Variants in DENND1A observed in about 807,000 individuals in gnomAD.
DENND1A encodes the protein DENN domain-containing protein 1A.
A neutral mutation model predicts 113.7 loss-of-function variants in DENND1A; 51 were observed. The ratio of observed to expected loss-of-function variants is 0.45; its 90% CI spans 0.36 to 0.57. The LOEUF (loss-of-function observed/expected upper bound fraction) is 0.57, where lower values mean the gene tolerates loss of function less well. DENND1A is among the 20% of genes least tolerant of loss of function. The probability of loss-of-function intolerance (pLI) is 0.00; values close to 1 mark genes in which losing one functional copy is unlikely to be tolerated. For synonymous variants in DENND1A, 565 were observed against 570.8 expected (o/e 0.99, Z 0.14); for missense variants, 1,258 against 1,395.9 (o/e 0.90, Z 1.57).
At chr9:123,555,820 T>C (rs1330708682) in intron 13 of DENND1A, among the ~76,000 whole-genome samples, 1 of 152,218 alleles carries the variant, frequency 6.6e-6, no homozygotes, top group African/African-American at 2.4e-5. Context: ...GCCCAGATCC[T>C]GCAGCAGCAA....
At chr9:123,731,039 T>C (rs952130703) in intron 5 of DENND1A, among the ~76,000 whole-genome samples, 3 of 151,908 alleles carry the variant, frequency 2.0e-5, no homozygotes, top group African/African-American at 7.3e-5. Flanking sequence ...TTTTCACTCA[T>C]AAGTGGGGGT....
At chr9:123,442,486 G>A (rs7856005) in intron 18 of DENND1A, among the ~76,000 whole-genome samples, 10,903 of 152,178 alleles carry the variant, frequency 0.072, 454 homozygotes, top group Middle Eastern at 0.11. Context: ...TTGGATCCAG[G>A]TGAAGATCCT....
chr9:123,727,244 A>G (rs909875254), intron 5 of DENND1A, among the ~76,000 whole-genome samples: 2 of 152,244 alleles, frequency 1.3e-5, no homozygotes, highest in African/African-American at 4.8e-5. Context: ...ATCTAAGAGA[A>G]AAGAGCCAGA....
chr9:123,636,625 T>C (rs2061717195), intron 9 of DENND1A, among the ~76,000 whole-genome samples: 1 of 151,446 alleles, frequency 6.6e-6, no homozygotes, highest in Non-Finnish European at 1.5e-5. Context: ...GAGTCGGTGC[T>C]GAGTAAATGT....
intron 2 of DENND1A, among the ~76,000 whole-genome samples, chr9:123,848,001 A>G (rs1305636726): frequency 6.6e-6 from 1 of 152,158 alleles, no homozygotes; most frequent in East Asian, 1.9e-4. Context: ...AGCATTGGTT[A>G]TATAAAAAAA....
At chr9:123,678,634 T>C (rs1404848044) in intron 5 of DENND1A, among the ~76,000 whole-genome samples, 1 of 152,208 alleles carries the variant, frequency 6.6e-6, no homozygotes, top group African/African-American at 2.4e-5. Flanking sequence ...AGAGAACAGA[T>C]AAAGTGCACA....
chr9:123,473,859 C>T (rs970354820), intron 13 of DENND1A, among the ~76,000 whole-genome samples: 3 of 152,118 alleles, frequency 2.0e-5, no homozygotes, highest in Non-Finnish European at 4.4e-5. Context: ...ACACTGCGCC[C>T]AGTATGGGGA....
At chr9:123,789,336 C>G (rs1832667162) in intron 3 of DENND1A, among the ~76,000 whole-genome samples, 2 of 151,894 alleles carry the variant, frequency 1.3e-5, no homozygotes, top group South Asian at 4.1e-4. Context: ...GTATCGAGAC[C>G]CTTATTTACA....
In DENND1A at chr9:123,457,608, C is replaced by T. The variant is rs1284699678; in HGVS notation, c.1099-173G>A. ...ATTTATGATAACTTGGAAAACCACA[C>T]GGCAGATTTGCAAAGGGTCTGTCTG... On this transcript the variant is annotated intron_variant, in intron 14 of 23. Coordinates refer to ENST00000394215, the MANE Select transcript of DENND1A (RefSeq NM_001352964.2). Among the ~76,000 whole-genome samples the T allele has an allele frequency of 2.6e-5, 4 of 152,226 alleles. No individual in the cohort carries two copies. In the South Asian group the frequency reaches 6.2e-4, roughly 24 times the overall value.
chr9:123,649,875 C>T (rs1339525637), intron 9 of DENND1A, among the ~76,000 whole-genome samples: 1 of 152,108 alleles, frequency 6.6e-6, no homozygotes, highest in Non-Finnish European at 1.5e-5. Context: ...TTCATTCTTC[C>T]TTATCTATAA....
intron 1 of DENND1A, among the ~76,000 whole-genome samples, chr9:123,922,430 T>TA (rs1224474279): frequency 6.6e-6 from 1 of 152,164 alleles, no homozygotes; most frequent in Non-Finnish European, 1.5e-5. Flanking sequence ...ACACATACAT[T>TA]AAAAAATACA....
chr9:123,418,920 C>T (rs1588434521), intron 19 of DENND1A, among the ~76,000 whole-genome samples: 1 of 152,242 alleles, frequency 6.6e-6, no homozygotes, highest in Non-Finnish European at 1.5e-5. Flanking sequence ...GGGCAGACAG[C>T]TGTTTAGGGA....
intron 2 of DENND1A, among the ~76,000 whole-genome samples, chr9:123,792,954 T>C (rs144390943): frequency 8.5e-4 from 129 of 152,352 alleles, no homozygotes; most frequent in African/African-American, 2.9e-3. Context: ...TGCTTGACTT[T>C]TCTTCTCTAA....
chr9:123,893,664 T>C (rs1461250485), intron 1 of DENND1A, among the ~76,000 whole-genome samples: 1 of 152,220 alleles, frequency 6.6e-6, no homozygotes. Context: ...TGACATACTG[T>C]GAGGGAGGGA....
intron 10 of DENND1A, among the ~76,000 whole-genome samples, chr9:123,615,167 C>T (rs552035130): frequency 6.6e-6 from 1 of 152,316 alleles, no homozygotes; most frequent in South Asian, 2.1e-4. Context: ...CCACTGACTG[C>T]AAATTTGCCA....
chr9:123,703,191 G>A (rs2065982239), intron 5 of DENND1A, among the ~76,000 whole-genome samples: 1 of 152,126 alleles, frequency 6.6e-6, no homozygotes, highest in African/African-American at 2.4e-5. Flanking sequence ...GTTTCACTAT[G>A]TTACCCAGGT....
chr9:123,513,661 C>T (rs1026415808), intron 13 of DENND1A, among the ~76,000 whole-genome samples: 2 of 152,230 alleles, frequency 1.3e-5, no homozygotes, highest in Non-Finnish European at 1.5e-5. Flanking sequence ...GTTGATGCTG[C>T]CCTGTTCTGG....
intron 21 of DENND1A, chr9:123,402,514 G>C: frequency 1.9e-6 from 1 of 534,788 alleles, no homozygotes; most frequent in Non-Finnish European, 3.8e-6. Flanking sequence ...AGACATGGGG[G>C]CCTCCCCCTT....
At chr9:123,686,357 T>C (rs970459385) in intron 5 of DENND1A, among the ~76,000 whole-genome samples, 2 of 152,258 alleles carry the variant, frequency 1.3e-5, no homozygotes, top group South Asian at 2.1e-4. Context: ...AACAGTACAA[T>C]AGTAGTATGA....
Sources: gnomAD v4.1 joint callset for allele counts (sites outside exome capture counted in the v4.1 genomes callset) on GRCh38, gnomAD v4.1.1 for gene constraint, MANE v1.5 for transcripts, NCBI Gene and HGNC (gene_info 2026-07-23, HGNC 2026-07-21) for gene names.